Variants in FNBP4 observed in about 807,000 individuals in gnomAD.
FNBP4 encodes formin binding protein 4.
Under a neutral mutation model 119.3 loss-of-function variants are expected in FNBP4, and 34 were observed. The observed-to-expected ratio is 0.28, with a 90% CI of 0.22 to 0.38. FNBP4 has a LOEUF of 0.38. FNBP4 is among the 10% of genes least tolerant of loss of function. The probability of loss-of-function intolerance (pLI) is 1.00; values close to 1 mark genes in which losing one functional copy is unlikely to be tolerated. For missense variants in FNBP4, 1,112 were observed against 1,228.9 expected (o/e 0.90, Z 1.42); for synonymous variants, 462 against 430.6 (o/e 1.07, Z -0.90).
rs751919594 is a variant in FNBP4 at position 47,767,207 on chromosome 11, C to T, written c.82G>A (p.Gly28Ser). ...SPPGPRGSTP[G>S]RDPEPEPDTE... ...TCGGGTTCCGGCTCCGGGTCCCGGC[C>T]CGGCGTGCTGCCCCGAGGACCCGGC... The change falls in exon 1 of 17, where the codon GGC (glycine) becomes AGC (serine). Residue 28 changes from glycine to serine, a missense_variant. Gly to Ser is a moderately conservative substitution (Grantham distance 56). This residue lies in a region of FNBP4 where 286 missense variants were observed against 240.1 expected (regional missense o/e 1.19). Transcript: ENST00000263773. 1.2e-5 allele frequency: 19 copies of T among 1,565,482 alleles called. No individual in the cohort carries two copies. Among genetic ancestry groups the T allele is most frequent in the East Asian group, 4.7e-5 (2 of 42,464 alleles).
chr11:47,727,352 C>G (rs772688895), intron 12 of FNBP4, among the ~76,000 whole-genome samples: 1 of 150,574 alleles, frequency 6.6e-6, no homozygotes, highest in Non-Finnish European at 1.5e-5. Flanking sequence ...CAGGTTCAAG[C>G]GATTCTCCTG....
At chr11:47,733,900 T>G (rs1309920923) in intron 10 of FNBP4, 125 bp downstream of exon 10, 1 of 513,120 alleles carries the variant, frequency 1.9e-6, no homozygotes, top group Non-Finnish European at 3.4e-6. Context: ...TCGGCTCAAA[T>G]ATTCTTCAAG....
intron 3 of FNBP4, 22 bp downstream of exon 3, chr11:47,754,506 T>A (rs759061766): frequency 9.3e-6 from 15 of 1,609,522 alleles, no homozygotes; most frequent in Non-Finnish European, 6.8e-6. Context: ...TAACTAAAAC[T>A]CCAAACGAAA....
At chr11:47,753,147 C>A in intron 3 of FNBP4, 45 bp from the exon 4 acceptor site, 1 of 1,493,262 alleles carries the variant, frequency 6.7e-7, no homozygotes, top group South Asian at 1.3e-5. Context: ...ATATCAAAAA[C>A]AAGAAACTTA....
At chr11:47,763,820 G>A (rs2135292735) in intron 2 of FNBP4, among the ~76,000 whole-genome samples, 1 of 152,206 alleles carries the variant, frequency 6.6e-6, no homozygotes, top group South Asian at 2.1e-4. Context: ...GTTTTTAGCA[G>A]TCTTTTTTTG....
chr11:47,763,531 T>C (rs1202852108), intron 2 of FNBP4, among the ~76,000 whole-genome samples: 1 of 151,956 alleles, frequency 6.6e-6, no homozygotes, highest in Non-Finnish European at 1.5e-5. Flanking sequence ...GACGGAGTCT[T>C]GCTCTGTCGC....
chr11:47,736,800 CT>C, intron 8 of FNBP4, 60 bp from the exon 9 acceptor site: 8 of 1,422,454 alleles, frequency 5.6e-6, no homozygotes, highest in East Asian at 2.3e-5. Flanking sequence ...CACTATATAC[CT>C]TTTCCCCCAT....
intron 12 of FNBP4, chr11:47,725,704 C>A (rs939999012): frequency 6.1e-6 from 5 of 815,038 alleles, no homozygotes; most frequent in Non-Finnish European, 7.4e-6. Flanking sequence ...CTGGGAAAAC[C>A]TTTAAAGATT....
chr11:47,758,477 C>T (rs766070374), intron 2 of FNBP4, among the ~76,000 whole-genome samples: 23 of 152,128 alleles, frequency 1.5e-4, no homozygotes, highest in Non-Finnish European at 3.1e-4. Flanking sequence ...GCTGACATTA[C>T]AGGTGTGAGC....
chr11:47,753,000 T>G lies in FNBP4; in HGVS notation c.553A>C (p.Thr185Pro), dbSNP rs1231052264. The G allele has an allele frequency of 6.2e-7, 1 of 1,614,044 alleles. No homozygotes were observed. Among genetic ancestry groups the G allele is most frequent in the Non-Finnish European group, 8.5e-7 (1 of 1,179,968 alleles). Residue 185 changes from threonine (T) to proline (P), a missense_variant, in exon 4 of 17, where the codon ACC (threonine) becomes CCC (proline). Coordinates refer to ENST00000263773, the MANE Select transcript of FNBP4 (RefSeq NM_015308.5). ...RPEPKEAATS[T>P]LSSSTSNGTD... ...CCATTTGAAGTAGAAGAAGAAAGGG[T>G]AGATGTTGCTGCTTCCTTTGGCTCT...
intron 1 of FNBP4, 68 bp downstream of exon 1, chr11:47,767,001 C>G (rs2097649045): frequency 6.7e-7 from 1 of 1,484,520 alleles, no homozygotes; most frequent in Non-Finnish European, 8.9e-7. Flanking sequence ...CCGGGTCTGG[C>G]CAGGCGCCGT....
chr11:47,765,374 A>AAAAAG lies in FNBP4; in HGVS notation c.221-17_221-13dup, dbSNP rs3842251. ...CGCTTCCTGTTCATCTGGATTAAAA[A>AAAAAG]AAAAGAAAAGAAAAGAAAAGAAAAG... is the stretch of plus-strand genomic sequence containing the variant. On this transcript the variant is annotated splice_polypyrimidine_tract_variant and intron_variant, in intron 1 of 16. Transcript: ENST00000263773. 258,510 of 1,029,096 alleles carry AAAAAG rather than the reference A, an allele frequency of 0.25. 40,440 individuals carry two copies. Among genetic ancestry groups the AAAAAG allele is most frequent in the South Asian group, 0.34 (23,629 of 68,808 alleles). 63.7% of individuals were successfully genotyped at this position (1,029,096 alleles called of 1,614,324 possible).
At position 47,767,264 on chromosome 11, in the gene FNBP4, G is replaced by A. The variant is rs1565175702; in HGVS notation, c.25C>T (p.Pro9Ser). 5 of 1,550,140 alleles carry A rather than the reference G, an allele frequency of 3.2e-6. No homozygotes were observed. The highest frequency in any genetic ancestry group is 4.3e-6 in the Non-Finnish European group (5 of 1,156,718). Residue 9 changes from proline to serine, a missense_variant, in exon 1 of 17, where the codon CCC becomes TCC. Pro to Ser is a moderately conservative substitution (Grantham distance 74). Transcript: ENST00000263773. ...AGTTGCAGGATGGGCCTACGGCCGG[G>A]TACCGCCCGGGACTTCTTCCCCATC... is the stretch of plus-strand genomic sequence containing the variant. Reference protein sequence around the residue: MGKKSRAVPGRRPILQLSP... With the variant: MGKKSRAVSGRRPILQLSP...
intron 2 of FNBP4, among the ~76,000 whole-genome samples, chr11:47,763,779 C>T (rs1007746713): frequency 1.3e-5 from 2 of 152,090 alleles, no homozygotes; most frequent in Non-Finnish European, 2.9e-5. Flanking sequence ...GGATTACAAG[C>T]GTGAGCCACT....
intron 12 of FNBP4, 133 bp from the exon 13 acceptor site, chr11:47,724,911 G>T: frequency 7.6e-7 from 1 of 1,318,102 alleles, no homozygotes; most frequent in Non-Finnish European, 9.9e-7. Flanking sequence ...AATACAGAAT[G>T]TGGTGTCAAA....
At chr11:47,755,278 T>C (rs904905077) in intron 2 of FNBP4, among the ~76,000 whole-genome samples, 1 of 151,718 alleles carries the variant, frequency 6.6e-6, no homozygotes, top group East Asian at 1.9e-4. Context: ...GGAGAAACCC[T>C]GTCTCTACTA....
chr11:47,765,243 A>C, intron 2 of FNBP4, 27 bp downstream of exon 2: 1 of 1,520,732 alleles, frequency 6.6e-7, no homozygotes. Flanking sequence ...TGGGAGAAAA[A>C]ATGTAAAAAA....
chr11:47,753,068 G>C lies in FNBP4; in HGVS notation c.485C>G (p.Ala162Gly), dbSNP rs767475171. The C allele has an allele frequency of 6.2e-7, 1 of 1,613,816 alleles. No individual in the cohort carries two copies. ...IDAITAPQPAAPVGASAPPPT... is the reference protein window; with the variant it reads ...IDAITAPQPAGPVGASAPPPT... ...AGGTGGAGCAGAAGCTCCTACAGGA[G>C]CTGCAGGCTGAGGAGCTGTTATGGC... The change falls in exon 4 of 17, where the codon GCT becomes GGT. Residue 162 changes from alanine to glycine, a missense_variant. By Grantham distance (60) the Ala-to-Gly change is moderately conservative. This residue lies in a region of FNBP4 where 286 missense variants were observed against 240.1 expected (regional missense o/e 1.19). Coordinates refer to ENST00000263773, the MANE Select transcript of FNBP4 (RefSeq NM_015308.5).
chr11:47,742,488 A>AAAAAAAAAAAAAAC (rs2097583635), intron 8 of FNBP4, among the ~76,000 whole-genome samples: 1 of 146,420 alleles, frequency 6.8e-6, no homozygotes, highest in Non-Finnish European at 1.5e-5. Flanking sequence ...AAAAAAAAAA[A>AAAAAAAAAAAAAAC]AAAAAAAAAA....
Sources: allele counts gnomAD v4.1 joint callset (sites outside exome capture counted in the v4.1 genomes callset), GRCh38; gene constraint gnomAD v4.1.1; regional missense constraint gnomAD v4.1.1; transcripts MANE v1.5; gene names NCBI Gene and HGNC (gene_info 2026-07-23, HGNC 2026-07-21).